TMEM45B: variants seen among roughly 807,000 people sequenced by gnomAD.
TMEM45B encodes the protein transmembrane protein 45B.
Under a neutral mutation model 27.3 loss-of-function variants are expected in TMEM45B, and 29 were observed. The ratio of observed to expected loss-of-function variants is 1.06; its 90% CI spans 0.79 to 1.45. The LOEUF is 1.45. TMEM45B is among the 40% of genes most tolerant of loss of function. The probability of loss-of-function intolerance (pLI) is 0.00; values close to 1 mark genes in which losing one functional copy is unlikely to be tolerated. For missense variants in TMEM45B, 348 were observed against 343.9 expected (o/e 1.01, Z -0.09); for synonymous variants, 143 against 134.7 (o/e 1.06, Z -0.43).
Position 129,846,025 on chromosome 11 carries a change from G to A in TMEM45B, c.-8-6450G>A, listed in dbSNP as rs187782546. ...AAAACAGGTCTCTAGGAATAAAACA[G>A]AAATAAGTTATCTGAGGTTAAAATG... On this transcript the variant is annotated intron_variant, in intron 1 of 5. Coordinates refer to ENST00000281441, the MANE Select transcript of TMEM45B (RefSeq NM_138788.5). 3.2e-4 allele frequency among the ~76,000 whole-genome samples: 49 copies of A among 152,286 alleles called. No individual in the cohort carries two copies. The East Asian group carries it at 9.5e-3, about 29-fold the overall frequency.
In TMEM45B at chr11:129,857,400, T is replaced by C. The variant is rs772410462; in HGVS notation, c.658T>C (p.Cys220Arg). ...ANLMFITMCF[C>R]WHYLAALSIV... ...CCTCATGTTCATCACCATGTGCTTCTGCTGGCACTACCTGGCTGCCCTCAG... is the reference window on the plus strand; with the variant it reads ...CCTCATGTTCATCACCATGTGCTTCCGCTGGCACTACCTGGCTGCCCTCAG... Residue 220 changes from cysteine (C) to arginine (R), a missense_variant, in exon 5 of 6, where the codon TGC (cysteine) becomes CGC (arginine). Transcript: ENST00000281441. 6 of 1,614,224 alleles carry C rather than the reference T, an allele frequency of 3.7e-6. No individual in the cohort carries two copies. In the South Asian group the frequency reaches 4.4e-5, roughly 12 times the overall value.
At chr11:129,837,585 CTTTTT>C (rs200040338) in intron 1 of TMEM45B, among the ~76,000 whole-genome samples, 3 of 80,294 alleles carry the variant, frequency 3.7e-5, no homozygotes, top group Non-Finnish European at 7.4e-5. Flanking sequence ...CTGCACTGGG[CTTTTT>C]TTTTTTTTTT....
intron 1 of TMEM45B, among the ~76,000 whole-genome samples, chr11:129,821,544 T>A (rs1358063216): frequency 6.6e-6 from 1 of 152,204 alleles, no homozygotes; most frequent in East Asian, 1.9e-4. Context: ...CCCAAAAGTG[T>A]ATAAGATTCA....
rs1040408305 is a variant in TMEM45B, at chr11:129,859,760, A to T, written c.*1075A>T. ...GCATGAACCCGGTAGGGGAGCTTGC[A>T]GTGAGCCCAGATCATGCCACTGTAC... On this transcript the variant is annotated 3_prime_UTR_variant, in exon 6 of 6. Coordinates refer to ENST00000281441, the MANE Select transcript of TMEM45B (RefSeq NM_138788.5). 2.1e-4 allele frequency: 32 copies of T among 152,232 alleles called. No individual in the cohort carries two copies. The highest frequency in any genetic ancestry group is 2.1e-3 in the Admixed American group (32 of 15,276). 9.4% of individuals were successfully genotyped at this position (152,232 alleles called of 1,614,324 possible). A position where few individuals can be genotyped will look rare whatever the true frequency, so the allele number is the denominator to read the frequency against.
chr11:129,825,435 T>C (rs1190093536), intron 1 of TMEM45B, among the ~76,000 whole-genome samples: 1 of 151,894 alleles, frequency 6.6e-6, no homozygotes, highest in Admixed American at 6.5e-5. Flanking sequence ...TTGGAAATAC[T>C]GACTTGAGGT....
chr11:129,819,139 T>C (rs1403275204), intron 1 of TMEM45B, among the ~76,000 whole-genome samples: 1 of 152,252 alleles, frequency 6.6e-6, no homozygotes, highest in Non-Finnish European at 1.5e-5. Flanking sequence ...CTGTTCTAAC[T>C]GTGCTCCTGG....
At chr11:129,853,904 A>C (rs1169837365) in intron 2 of TMEM45B, among the ~76,000 whole-genome samples, 4 of 152,248 alleles carry the variant, frequency 2.6e-5, no homozygotes. Context: ...GCATAAAGAC[A>C]AATCTTTTGC....
At chr11:129,839,217 G>T (rs1169042612) in intron 1 of TMEM45B, among the ~76,000 whole-genome samples, 1 of 152,186 alleles carries the variant, frequency 6.6e-6, no homozygotes, top group African/African-American at 2.4e-5. Context: ...CAGTCTTCTT[G>T]GTGGCCAGCT....
At chr11:129,844,858 G>A (rs1024435785) in intron 1 of TMEM45B, among the ~76,000 whole-genome samples, 7 of 152,000 alleles carry the variant, frequency 4.6e-5, no homozygotes, top group Non-Finnish European at 1.0e-4. Flanking sequence ...AAATCATCAT[G>A]TTATATACCC....
At chr11:129,840,709 C>T (rs1187032486) in intron 1 of TMEM45B, among the ~76,000 whole-genome samples, 4 of 151,760 alleles carry the variant, frequency 2.6e-5, no homozygotes, top group Non-Finnish European at 5.9e-5. Flanking sequence ...ATGGTGAAAC[C>T]CTGTCTCTAC....
chr11:129,857,223 C>A, intron 4 of TMEM45B, 90 bp from the exon 5 acceptor site: 2 of 1,500,274 alleles, frequency 1.3e-6, no homozygotes, highest in African/African-American at 1.4e-5. Flanking sequence ...GGTGGTCACA[C>A]ATGGGCCACT....
At chr11:129,831,561 A>G (rs948257911) in intron 1 of TMEM45B, among the ~76,000 whole-genome samples, 3 of 152,240 alleles carry the variant, frequency 2.0e-5, no homozygotes, top group African/African-American at 7.2e-5. Flanking sequence ...GTTTTGGACC[A>G]CAGTTGACTG....
At chr11:129,817,763 C>T (rs950682767) in intron 1 of TMEM45B, among the ~76,000 whole-genome samples, 16 of 152,172 alleles carry the variant, frequency 1.1e-4, no homozygotes, top group South Asian at 4.1e-4. Flanking sequence ...TCATCTCCCC[C>T]CTACCTGCAG....
At chr11:129,850,705 A>G (rs992715096) in intron 1 of TMEM45B, 3 of 152,120 alleles carry the variant, frequency 2.0e-5, no homozygotes, top group Non-Finnish European at 4.4e-5. Context: ...TGCCTTCACC[A>G]TCGGTATCTC....
At chr11:129,839,021 C>T (rs1310086452) in intron 1 of TMEM45B, among the ~76,000 whole-genome samples, 2 of 152,198 alleles carry the variant, frequency 1.3e-5, no homozygotes, top group African/African-American at 4.8e-5. Flanking sequence ...CTGCTTCCCT[C>T]TGGTTTCCTT....
At chr11:129,832,752 G>A (rs1947565795) in intron 1 of TMEM45B, among the ~76,000 whole-genome samples, 2 of 152,102 alleles carry the variant, frequency 1.3e-5, no homozygotes, top group Non-Finnish European at 2.9e-5. Context: ...TTAGGAGTGG[G>A]TTTCTTTTTA....
chr11:129,857,575 A>G (rs1159481319), intron 5 of TMEM45B, 117 bp downstream of exon 5: 52 of 1,192,290 alleles, frequency 4.4e-5, no homozygotes, highest in Non-Finnish European at 6.0e-5. Context: ...AGGTACTCTC[A>G]TGCAGGGAAG....
chr11:129,848,368 T>G (rs1427856101), intron 1 of TMEM45B, among the ~76,000 whole-genome samples: 1 of 152,018 alleles, frequency 6.6e-6, no homozygotes, highest in Admixed American at 6.6e-5. Context: ...CGAAAACCCG[T>G]CAGGCGTGGC....
At chr11:129,819,950 C>T (rs1048532886) in intron 1 of TMEM45B, among the ~76,000 whole-genome samples, 19 of 152,166 alleles carry the variant, frequency 1.2e-4, no homozygotes, top group Non-Finnish European at 2.4e-4. Context: ...ATATCACATA[C>T]ACACTGTTAA....
Sources: gnomAD v4.1 joint callset for allele counts (sites outside exome capture counted in the v4.1 genomes callset) on GRCh38, gnomAD v4.1.1 for gene constraint, MANE v1.5 for transcripts, NCBI Gene and HGNC (gene_info 2026-07-23, HGNC 2026-07-21) for gene names.